Variants in TMEM163 observed in about 807,000 individuals in gnomAD.
TMEM163 encodes the protein transmembrane protein 163.
Under a neutral mutation model 29.3 loss-of-function variants are expected in TMEM163, and 17 were observed. The ratio of observed to expected loss-of-function variants is 0.58; its 90% CI spans 0.40 to 0.87. The LOEUF is 0.87. TMEM163 is among the 40% of genes least tolerant of loss of function. The pLI, the probability that TMEM163 is intolerant of heterozygous loss-of-function variation, is 0.00. For synonymous variants in TMEM163, 157 were observed against 160.6 expected, an observed-to-expected ratio of 0.98 and a Z score of 0.17; for missense variants, 303 against 381.5, an observed-to-expected ratio of 0.79 and a Z score of 1.71.
intron 2 of TMEM163, among the ~76,000 whole-genome samples, chr2:134,591,635 A>G (rs1265148810): frequency 6.6e-6 from 1 of 152,092 alleles, no homozygotes; most frequent in Non-Finnish European, 1.5e-5. Flanking sequence ...GTTCCCACTC[A>G]ATGCTTCCAG....
intron 2 of TMEM163, among the ~76,000 whole-genome samples, chr2:134,603,779 A>G (rs984741856): frequency 1.4e-5 from 2 of 140,954 alleles, no homozygotes; most frequent in African/African-American, 2.6e-5. Flanking sequence ...GAACATTGAT[A>G]TAGCTGGCAC....
intron 5 of TMEM163, among the ~76,000 whole-genome samples, chr2:134,478,244 C>A (rs762760980): frequency 7.9e-5 from 12 of 152,182 alleles, no homozygotes; most frequent in Non-Finnish European, 1.5e-4. Flanking sequence ...AATTACCTAG[C>A]ATCAGGTATT....
intron 4 of TMEM163, among the ~76,000 whole-genome samples, chr2:134,508,205 A>G (rs1679869927): frequency 6.6e-6 from 1 of 152,204 alleles, no homozygotes; most frequent in Non-Finnish European, 1.5e-5. Context: ...ACTTCCTATC[A>G]GATCAAAAGA....
At chr2:134,713,431 C>T (rs541413491) in intron 1 of TMEM163, 112 bp from the exon 2 acceptor site, 46 of 1,485,024 alleles carry the variant, frequency 3.1e-5, no homozygotes, top group African/African-American at 3.0e-4. Context: ...TGGGCCAAGA[C>T]GTGTTTTGTT....
At chr2:134,482,155 T>C (rs1679206680) in intron 5 of TMEM163, among the ~76,000 whole-genome samples, 1 of 152,208 alleles carries the variant, frequency 6.6e-6, no homozygotes, top group African/African-American at 2.4e-5. Context: ...CACCCCCATT[T>C]TCCCATACAG....
chr2:134,533,971 A>G (rs999598585), intron 4 of TMEM163, among the ~76,000 whole-genome samples: 3 of 152,150 alleles, frequency 2.0e-5, no homozygotes, highest in Admixed American at 1.3e-4. Flanking sequence ...TTGGCCCCCA[A>G]CTTCACAGTG....
chr2:134,557,155 G>C (rs1410932203), intron 2 of TMEM163, among the ~76,000 whole-genome samples: 1 of 152,232 alleles, frequency 6.6e-6, no homozygotes, highest in Non-Finnish European at 1.5e-5. Flanking sequence ...GGCCATTCTG[G>C]CTAAAGCCAA....
chr2:134,659,747 C>A (rs1332993486), intron 2 of TMEM163, among the ~76,000 whole-genome samples: 1 of 152,146 alleles, frequency 6.6e-6, no homozygotes, highest in African/African-American at 2.4e-5. Context: ...TGAGACCAGC[C>A]TGGGCAACAA....
At chr2:134,717,197 C>T (rs1360582591) in intron 1 of TMEM163, among the ~76,000 whole-genome samples, 2 of 152,150 alleles carry the variant, frequency 1.3e-5, no homozygotes, top group Non-Finnish European at 2.9e-5. Context: ...ACCTGCAATG[C>T]TACAAAAATA....
chr2:134,544,931 T>C (rs1680747243), intron 4 of TMEM163, among the ~76,000 whole-genome samples: 1 of 152,186 alleles, frequency 6.6e-6, no homozygotes, highest in Admixed American at 6.5e-5. Flanking sequence ...GAGCATCTGT[T>C]GGACAGCTCT....
Position 134,502,919 on chromosome 2 carries a change from A to C in TMEM163, c.537T>G (p.Thr179=). 2 of 1,613,902 alleles carry C rather than the reference A, an allele frequency of 1.2e-6. No individual in the cohort carries two copies. Among genetic ancestry groups the C allele is most frequent in the Non-Finnish European group, 1.7e-6 (2 of 1,179,902 alleles). The change falls in exon 5 of 8, where the codon ACT becomes ACG. Residue 179 remains threonine (T), a synonymous_variant. Transcript: ENST00000281924. ...ACCTTACCACTTCTGGGAGCAGCCT[A>C]GTTGAGAGGTCATGGATGGCTTTGA... The part of the protein sequence containing the change: ...IVVKAIHDLS[T]RLLPEVDDFL...
chr2:134,704,159 T>C (rs545085078), intron 2 of TMEM163, among the ~76,000 whole-genome samples: 18 of 152,230 alleles, frequency 1.2e-4, no homozygotes, highest in African/African-American at 4.1e-4. Flanking sequence ...TTCTTTCAGG[T>C]GCTCCAGGGG....
chr2:134,713,216 G>T lies in TMEM163; in HGVS notation c.306C>A (p.Leu102=), dbSNP rs147742879. 3.7e-6 allele frequency: 6 copies of T among 1,614,072 alleles called. No homozygotes were observed. The highest frequency in any genetic ancestry group is 5.1e-6 in the Non-Finnish European group (6 of 1,180,002). ...SWFSIIVTLA[L]AVAAFTVSVM... ...GATACTCACTAAAGGCAGCCACCGC[G>T]AGGGCCAGGGTGACAATGATGGAGA... The change falls in exon 2 of 8, where the codon CTC becomes CTA. Residue 102 remains leucine, a synonymous_variant. Transcript: ENST00000281924.
In TMEM163 at chr2:134,596,096, C is replaced by T. The variant is rs185501822; in HGVS notation, c.323-44005G>A. ...ACTCTGATGGTAGTTTCTTTTGCTGCGCAGAAGCTCTTTAGTTTAATTCGA... is the reference window on the plus strand; with the variant it reads ...ACTCTGATGGTAGTTTCTTTTGCTGTGCAGAAGCTCTTTAGTTTAATTCGA... On this transcript the variant is annotated intron_variant, in intron 2 of 7. Transcript: ENST00000281924. Among the ~76,000 whole-genome samples, 394 of 152,224 alleles carry T rather than the reference C, an allele frequency of 2.6e-3. 3 individuals carry two copies. Among genetic ancestry groups the T allele is most frequent in the South Asian group, 0.014 (67 of 4,814 alleles).
chr2:134,713,541 T>C, intron 1 of TMEM163: 2 of 692,162 alleles, frequency 2.9e-6, no homozygotes, highest in Non-Finnish European at 5.2e-6. Flanking sequence ...GCCGTGTATT[T>C]CTGCAGGGTA....
intron 4 of TMEM163, among the ~76,000 whole-genome samples, chr2:134,505,239 C>CCT (rs373282805): frequency 0.17 from 22,139 of 129,964 alleles, 2,057 homozygotes; most frequent in South Asian, 0.33. Flanking sequence ...TGGGGAATTC[C>CCT]TTTTTTTTTT....
chr2:134,519,787 C>T (rs1305489753), intron 4 of TMEM163, among the ~76,000 whole-genome samples: 1 of 148,812 alleles, frequency 6.7e-6, no homozygotes, highest in Non-Finnish European at 1.5e-5. Flanking sequence ...CTACTCGAGA[C>T]GCTGAGGCAG....
intron 2 of TMEM163, among the ~76,000 whole-genome samples, chr2:134,622,784 C>T (rs61158168): frequency 0.046 from 6,934 of 151,926 alleles, 528 homozygotes; most frequent in African/African-American, 0.15. Context: ...CTTTTTGAGA[C>T]GAAGTTTTGC....
chr2:134,610,641 C>T (rs1456286571), intron 2 of TMEM163, among the ~76,000 whole-genome samples: 13 of 152,166 alleles, frequency 8.5e-5, no homozygotes, highest in South Asian at 2.1e-4. Context: ...ACACGGGATT[C>T]GAGTCTCAGC....
Sources: allele counts gnomAD v4.1 joint callset (sites outside exome capture counted in the v4.1 genomes callset), GRCh38; gene constraint gnomAD v4.1.1; transcripts MANE v1.5; gene names NCBI Gene and HGNC (gene_info 2026-07-23, HGNC 2026-07-21).